ADAM10: variants seen among roughly 807,000 people sequenced by gnomAD.
The protein encoded by ADAM10 is ADAM metallopeptidase domain 10.
In ADAM10, 17 loss-of-function variants were observed where a neutral mutation model predicts 90.1. The observed-to-expected ratio is 0.19, with a 90% CI of 0.13 to 0.28. The LOEUF is 0.28. Ranked by LOEUF, ADAM10 falls within the 10% of genes least tolerant of loss-of-function variation. ADAM10 has a pLI of 1.00. For synonymous variants in ADAM10, 310 were observed against 298.6 expected, an observed-to-expected ratio of 1.04 and a Z score of -0.40; for missense variants, 610 against 914.3, an observed-to-expected ratio of 0.67 and a Z score of 4.29.
At chr15:58,630,036 A>C (rs1418223735) in intron 9 of ADAM10, among the ~76,000 whole-genome samples, 1 of 152,096 alleles carries the variant, frequency 6.6e-6, no homozygotes, top group Admixed American at 6.5e-5. Context: ...GGCCTCCCAA[A>C]GTGCTGGGAT....
intron 4 of ADAM10, chr15:58,676,183 G>A (rs1897299373): frequency 2.4e-6 from 1 of 413,786 alleles, no homozygotes; most frequent in Non-Finnish European, 4.8e-6. Context: ...AGTAAAGGCA[G>A]TGAGAATTTA....
At chr15:58,667,670 G>A (rs552382074) in intron 4 of ADAM10, among the ~76,000 whole-genome samples, 1 of 152,124 alleles carries the variant, frequency 6.6e-6, no homozygotes, top group South Asian at 2.1e-4. Flanking sequence ...ATCATGAGGT[G>A]GGGGCCTTGT....
intron 1 of ADAM10, among the ~76,000 whole-genome samples, chr15:58,738,682 G>A (rs966885228): frequency 2.4e-4 from 37 of 152,086 alleles, no homozygotes; most frequent in African/African-American, 8.0e-4. Context: ...CTGAAAACAC[G>A]AATGATTAAA....
At chr15:58,665,585 A>G (rs940424848) in intron 4 of ADAM10, among the ~76,000 whole-genome samples, 2 of 152,076 alleles carry the variant, frequency 1.3e-5, no homozygotes, top group African/African-American at 2.4e-5. Flanking sequence ...CTCCATCAGG[A>G]GGACTCTAGC....
intron 1 of ADAM10, among the ~76,000 whole-genome samples, chr15:58,729,199 T>TA (rs1318949638): frequency 5.9e-5 from 9 of 151,838 alleles, no homozygotes; most frequent in African/African-American, 1.7e-4. Flanking sequence ...CTCTATTTTT[T>TA]AAAAAAAAGA....
intron 2 of ADAM10, chr15:58,692,904 G>A (rs754189033): frequency 5.8e-6 from 4 of 693,488 alleles, no homozygotes; most frequent in South Asian, 5.4e-5. Flanking sequence ...AATTATTTAT[G>A]AGATCAGCCT....
intron 2 of ADAM10, 73 bp downstream of exon 2, chr15:58,717,504 G>A (rs1898700983): frequency 1.9e-6 from 3 of 1,583,788 alleles, no homozygotes; most frequent in South Asian, 2.2e-5. Flanking sequence ...GAAAATTAAG[G>A]ATATAAATCT....
intron 5 of ADAM10, among the ~76,000 whole-genome samples, chr15:58,652,981 C>T (rs1355704540): frequency 6.6e-6 from 1 of 152,098 alleles, no homozygotes; most frequent in Admixed American, 6.6e-5. Context: ...TTTGTGGCTA[C>T]TGCAAATGGG....
chr15:58,619,566 T>A (rs1895719008), intron 11 of ADAM10, among the ~76,000 whole-genome samples: 1 of 152,202 alleles, frequency 6.6e-6, no homozygotes, highest in Non-Finnish European at 1.5e-5. Context: ...TATCAAAATA[T>A]CACATATACC....
chr15:58,699,255 A>C (rs1361836841), intron 2 of ADAM10, among the ~76,000 whole-genome samples: 1 of 152,254 alleles, frequency 6.6e-6, no homozygotes, highest in Admixed American at 6.5e-5. Context: ...AAAACAGGTA[A>C]TTTGACACAA....
At chr15:58,658,002 C>A (rs1370913859) in intron 5 of ADAM10, among the ~76,000 whole-genome samples, 1 of 149,934 alleles carries the variant, frequency 6.7e-6, no homozygotes. Flanking sequence ...TCCTATTTTT[C>A]TTAACTATGT....
At chr15:58,613,824 A>T (rs1430944100) in intron 11 of ADAM10, among the ~76,000 whole-genome samples, 1 of 152,158 alleles carries the variant, frequency 6.6e-6, no homozygotes, top group East Asian at 1.9e-4. Flanking sequence ...ATATTATAAG[A>T]GCTGCAGAAG....
intron 2 of ADAM10, among the ~76,000 whole-genome samples, chr15:58,695,629 A>G (rs564029013): frequency 6.6e-6 from 1 of 152,080 alleles, no homozygotes; most frequent in East Asian, 1.9e-4. Flanking sequence ...AAAGCTACAA[A>G]AAGATATTTA....
chr15:58,737,062 T>G (rs1384606253), intron 1 of ADAM10, among the ~76,000 whole-genome samples: 9 of 152,140 alleles, frequency 5.9e-5, no homozygotes, highest in African/African-American at 2.2e-4. Context: ...GGCCTCCTTG[T>G]CACAGGAGAG....
At chr15:58,611,170 AACAG>A (rs1489119602) in intron 12 of ADAM10, 63 bp from the exon 13 acceptor site, 6 of 1,212,642 alleles carry the variant, frequency 4.9e-6, no homozygotes, top group African/African-American at 1.5e-5. Context: ...TTTTTATAGT[AACAG>A]ACAGGCAAGT....
intron 1 of ADAM10, among the ~76,000 whole-genome samples, chr15:58,740,487 A>AT (rs1212617353): frequency 5.3e-5 from 8 of 152,106 alleles, no homozygotes; most frequent in African/African-American, 1.7e-4. Flanking sequence ...ACATGATTTC[A>AT]TTTTTTACTA....
rs1459313066 is a variant in ADAM10 at position 58,599,701 on chromosome 15, A to G, written c.2049T>C (p.Leu683=). The change falls in exon 15 of 16, where the codon CTT becomes CTC. Residue 683 remains leucine, a synonymous_variant. Transcript: ENST00000260408. ...WIVAHWWAVL[L]MGIALIMLMA... ...TTAGCATGATCAGAGCAATTCCCAT[A>G]AGTAATACTGCCCACCAATGAGCCT... 1.2e-6 allele frequency: 2 copies of G among 1,613,352 alleles called. No individual in the cohort carries two copies. The highest frequency in any genetic ancestry group is 2.2e-5 in the South Asian group (2 of 91,076).
chr15:58,698,406 TAA>T (rs56797082), intron 2 of ADAM10: 2,276 of 200,126 alleles, frequency 0.011, no homozygotes, highest in South Asian at 0.02. Context: ...ACCCCATCTC[TAA>T]AAAAAAAAAA....
At chr15:58,739,214 C>T (rs1899523642) in intron 1 of ADAM10, among the ~76,000 whole-genome samples, 1 of 152,018 alleles carries the variant, frequency 6.6e-6, no homozygotes, top group South Asian at 2.1e-4. Flanking sequence ...TTTATAAATT[C>T]TTAAATTTTG....
Sources: gnomAD v4.1 joint callset for allele counts (sites outside exome capture counted in the v4.1 genomes callset) on GRCh38, gnomAD v4.1.1 for gene constraint, MANE v1.5 for transcripts, NCBI Gene and HGNC (gene_info 2026-07-23, HGNC 2026-07-21) for gene names.